SPEG: variants seen among roughly 807,000 people sequenced by gnomAD.
The protein encoded by SPEG is striated muscle enriched protein kinase, also known as striated muscle preferentially expressed protein kinase.
In SPEG, 114 loss-of-function variants were observed where a neutral mutation model predicts 300.4. The observed-to-expected ratio is 0.38, with a 90% CI of 0.33 to 0.44. SPEG has a LOEUF of 0.44. Ranked by LOEUF, SPEG falls within the 20% of genes least tolerant of loss-of-function variation. SPEG has a pLI of 1.00. For missense variants in SPEG, 4,201 were observed against 4,586.2 expected, an observed-to-expected ratio of 0.92 and a Z score of 2.43; for synonymous variants, 1,964 against 2,018.9, an observed-to-expected ratio of 0.97 and a Z score of 0.73.
Position 219,467,382 on chromosome 2 carries a change from T to TAGA in SPEG, c.3090_3091insAGA (p.Ser1030_Val1031insArg). Reference sequence around the variant, plus strand: ...GCAAATGCAAGCTGCTACTTACATCTGTACATGAGGACGACAGTGGCGTCT... The same window carrying TAGA: ...GCAAATGCAAGCTGCTACTTACATCTAGAGTACATGAGGACGACAGTGGCGTCT... On this transcript the variant is annotated inframe_insertion, in exon 10 of 41. Coordinates refer to ENST00000312358, the MANE Select transcript of SPEG (RefSeq NM_005876.5). 1 of 1,612,412 alleles carries TAGA rather than the reference T, an allele frequency of 6.2e-7. No homozygotes were observed. Among genetic ancestry groups the TAGA allele is most frequent in the Non-Finnish European group, 8.5e-7 (1 of 1,179,908 alleles).
At chr2:219,472,463 C>A in intron 15 of SPEG, 132 bp downstream of exon 15, 1 of 751,508 alleles carries the variant, frequency 1.3e-6, no homozygotes, top group Non-Finnish European at 2.2e-6. Flanking sequence ...CTGGTGGGAC[C>A]AGCTTTGCCC....
rs772063920 is a variant in SPEG, at chr2:219,484,181, C to G, written c.6718C>G (p.Leu2240Val). 1 of 1,612,856 alleles carries G rather than the reference C, an allele frequency of 6.2e-7. No individual in the cohort carries two copies. The highest frequency in any genetic ancestry group is 8.5e-7 in the Non-Finnish European group (1 of 1,179,760). ...PPPQALQTLA[L>V]PLTPYAQIIQ... ...CCCCCAGGCCCTGCAAACCCTAGCG[C>G]TGCCCCTCACACCCTATGCTCAGAT... Residue 2240 changes from leucine (L) to valine (V), a missense_variant, in exon 30 of 41, where the codon CTG becomes GTG. Leu to Val is a conservative substitution (Grantham distance 32). This residue lies in a region of SPEG where 1,578 missense variants were observed against 1,506.0 expected (regional missense o/e 1.05). Transcript: ENST00000312358.
Position 219,479,732 on chromosome 2 carries a change from C to A in SPEG, c.5086-51C>A. ...GACCGCTTGCCGCCCTGGAGGTGTTCAGACATACACCACCCTTCCCCCTCA... is the reference window on the plus strand; with the variant it reads ...GACCGCTTGCCGCCCTGGAGGTGTTAAGACATACACCACCCTTCCCCCTCA... On this transcript the variant is annotated intron_variant, in intron 23 of 40. Coordinates refer to ENST00000312358, the MANE Select transcript of SPEG (RefSeq NM_005876.5). The surrounding 1 kb of genome is among the most constrained non-coding windows in gnomAD (Gnocchi z 5.5). 6.4e-7 allele frequency: 1 copy of A among 1,566,172 alleles called. No homozygotes were observed. The highest frequency in any genetic ancestry group is 1.1e-5 in the South Asian group (1 of 89,996).
rs749370087 is a variant in SPEG, at chr2:219,492,250, G to A, written c.9601G>A (p.Val3201Ile). Residue 3201 changes from valine (V) to isoleucine (I), a missense_variant, in exon 40 of 41, where the codon GTA (valine) becomes ATA (isoleucine). Val to Ile is a conservative substitution (Grantham distance 29). Around this residue, in one of 4 missense-constraint regions of SPEG, gnomAD observed 318 missense variants for 429.5 expected, o/e 0.74. Transcript: ENST00000312358. ...ATLFLRKVLS[V>I]HPWSRPSLQD... ...CCTCTTCTTGCGAAAGGTTCTCTCT[G>A]TACATCCCTGGTGAGTGAGCCCCAC... The A allele has an allele frequency of 1.2e-6, 2 of 1,613,058 alleles. No homozygotes were observed. The highest frequency in any genetic ancestry group is 1.7e-6 in the Non-Finnish European group (2 of 1,179,700).
At chr2:219,435,897 G>T (rs1021579396) in intron 1 of SPEG, among the ~76,000 whole-genome samples, 15 of 152,214 alleles carry the variant, frequency 9.9e-5, no homozygotes, top group Non-Finnish European at 1.9e-4. Flanking sequence ...AGAGGCCTAT[G>T]GTTGGCCACG....
At chr2:219,491,148 A>T (rs1244734392) in intron 38 of SPEG, among the ~76,000 whole-genome samples, 192 bp downstream of exon 38, 5 of 152,242 alleles carry the variant, frequency 3.3e-5, no homozygotes, top group Non-Finnish European at 7.3e-5. Flanking sequence ...CCTTTTACAG[A>T]TGAGGAAACT....
chr2:219,486,909 C>T (rs2125577033), intron 31 of SPEG, among the ~76,000 whole-genome samples: 1 of 152,230 alleles, frequency 6.6e-6, no homozygotes, highest in East Asian at 1.9e-4. Flanking sequence ...GGGACCCCTC[C>T]TTGGGGAGCA....
At chr2:219,435,400 CG>C in intron 1 of SPEG, 35 bp downstream of exon 1, 1 of 1,510,640 alleles carries the variant, frequency 6.6e-7, no homozygotes, top group Non-Finnish European at 8.8e-7. Flanking sequence ...CCGGCAGGGG[CG>C]GGGTGCTCAG....
In SPEG at chr2:219,468,943, A is replaced by G. The variant is rs764851786; in HGVS notation, c.3386A>G (p.Glu1129Gly). 1 of 1,613,990 alleles carries G rather than the reference A, an allele frequency of 6.2e-7. No homozygotes were observed. The highest frequency in any genetic ancestry group is 1.3e-5 in the African/African-American group (1 of 75,048). The change falls in exon 12 of 41, where the codon GAG (glutamate) becomes GGG (glycine). Residue 1129 changes from glutamate to glycine, a missense_variant. Transcript: ENST00000312358. The stretch of plus-strand genomic sequence containing the variant: ...CTGCACATTGCCCATGTGGGCAGCG[A>G]GGACGAGGGGCTCTATGCGGTCAGT... ...HSLHIAHVGS[E>G]DEGLYAVSAV...
chr2:219,445,452 G>C lies in SPEG; in HGVS notation c.815+291G>C. On this transcript the variant is annotated intron_variant, in intron 3 of 40. Transcript: ENST00000312358. This position sits in a 1 kb window ranked among gnomAD's most constrained non-coding sequence, Gnocchi z 6.1. ...CTCCAAGATCTCCAGTTTCTCAGGGGCCCTCTTTTGCCTCACCCATTTGGG... is the reference window on the plus strand; with the variant it reads ...CTCCAAGATCTCCAGTTTCTCAGGGCCCCTCTTTTGCCTCACCCATTTGGG... 6.3e-6 allele frequency: 3 copies of C among 478,792 alleles called. No individual in the cohort carries two copies. Among genetic ancestry groups the C allele is most frequent in the Non-Finnish European group, 1.1e-5 (3 of 267,802 alleles). The allele number at this position is 478,792 out of a possible 1,614,324, so 29.7% of individuals were successfully genotyped here.
rs1449597466 is a variant in SPEG, at chr2:219,480,036, G to A, written c.5238G>A (p.Gln1746=). 5 of 1,614,174 alleles carry A rather than the reference G, an allele frequency of 3.1e-6. No homozygotes were observed. The South Asian group carries it at 3.3e-5, about 11-fold the overall frequency. Residue 1746 remains glutamine, a synonymous_variant, in exon 25 of 41, where the codon CAG becomes CAA. Transcript: ENST00000312358. This position sits in a 1 kb window ranked among gnomAD's most constrained non-coding sequence, Gnocchi z 5.3. ...GGATCTGTGACTTTGGGAATGCCCA[G>A]GAGCTGACTCCAGGAGAGCCCCAGT... The part of the protein sequence containing the change: ...QVRICDFGNA[Q]ELTPGEPQYC...
chr2:219,472,459 G>C, intron 15 of SPEG, 128 bp downstream of exon 15: 2 of 804,326 alleles, frequency 2.5e-6, no homozygotes, highest in Non-Finnish European at 4.0e-6. Context: ...AATGCTGGTG[G>C]GACCAGCTTT....
At position 219,473,601 on chromosome 2, in the gene SPEG, T is replaced by C. The variant is rs1207964835; in HGVS notation, c.4245T>C (p.His1415=). ...QPASVTVTFN[H]VEAQVVWRSC... is the part of the protein sequence containing the mutation. Reference sequence around the variant, plus strand: ...CCAGCGTCACCGTCACATTCAACCATGTGGAGGCCCAGGTCGTCTGGAGGA... The same window carrying C: ...CCAGCGTCACCGTCACATTCAACCACGTGGAGGCCCAGGTCGTCTGGAGGA... Residue 1415 remains histidine, a synonymous_variant, in exon 17 of 41, where the codon CAT becomes CAC. Transcript: ENST00000312358. This position sits in a 1 kb window ranked among gnomAD's most constrained non-coding sequence, Gnocchi z 4.6. 5 of 1,614,022 alleles carry C rather than the reference T, an allele frequency of 3.1e-6. No individual in the cohort carries two copies. The African/African-American group carries it at 5.3e-5, about 17-fold the overall frequency.
rs763107502 is a variant in SPEG at position 219,451,143 on chromosome 2, G to A, written c.2121G>A (p.Ser707=). 3.1e-5 allele frequency: 50 copies of A among 1,611,576 alleles called. No individual in the cohort carries two copies. In the Admixed American group the frequency reaches 7.4e-4, roughly 24 times the overall value. Residue 707 remains serine, a synonymous_variant, in exon 5 of 41, where the codon TCG becomes TCA. Transcript: ENST00000312358. The surrounding 1 kb of genome is among the most constrained non-coding windows in gnomAD (Gnocchi z 6.4). ...ARPTSPELES[S]DDSYVSAGEE... ...TATTCCTGTGTCCGGCAGAGTCTTC[G>A]GATGACTCCTACGTGTCCGCTGGAG... is the stretch of plus-strand genomic sequence containing the variant.
intron 18 of SPEG, chr2:219,474,149 A>G: frequency 2.5e-6 from 1 of 404,654 alleles, no homozygotes; most frequent in East Asian, 4.0e-5. Context: ...AGGCCGACAC[A>G]GGTGGATTAC....
intron 6 of SPEG, among the ~76,000 whole-genome samples, chr2:219,452,536 G>C (rs1186210358): frequency 2.6e-5 from 4 of 152,062 alleles, no homozygotes; most frequent in East Asian, 3.9e-4. Context: ...GGATGGTCAG[G>C]GGGTATTACA....
At chr2:219,461,671 C>T (rs534852831) in intron 6 of SPEG, 13 of 813,706 alleles carry the variant, frequency 1.6e-5, no homozygotes, top group Middle Eastern at 3.7e-4. Flanking sequence ...TCAGCAGGGT[C>T]GGTGTTGGCA....
chr2:219,461,779 C>A, intron 6 of SPEG, 103 bp from the exon 7 acceptor site: 1 of 1,248,688 alleles, frequency 8.0e-7, no homozygotes, highest in Non-Finnish European at 1.2e-6. Flanking sequence ...GGCCGGCCTG[C>A]GGGGAGCTGC....
intron 14 of SPEG, 52 bp downstream of exon 14, chr2:219,472,039 C>G (rs374964862): frequency 2.4e-5 from 38 of 1,599,872 alleles, no homozygotes; most frequent in South Asian, 5.5e-5. Context: ...GCCTCTGGCA[C>G]TACGTGGGGG....
Sources: allele counts gnomAD v4.1 joint callset (sites outside exome capture counted in the v4.1 genomes callset), GRCh38; gene constraint gnomAD v4.1.1; regional missense constraint gnomAD v4.1.1; non-coding constraint Gnocchi (gnomAD v3.1); transcripts MANE v1.5; gene names NCBI Gene and HGNC (gene_info 2026-07-23, HGNC 2026-07-21).